PRDM2: variants seen among roughly 807,000 people sequenced by gnomAD.
PRDM2 encodes the protein PR domain zinc finger protein 2.
A neutral mutation model predicts 130.0 loss-of-function variants in PRDM2; 30 were observed. The ratio of observed to expected loss-of-function variants is 0.23; its 90% CI spans 0.17 to 0.31. The LOEUF (loss-of-function observed/expected upper bound fraction) is 0.31, where lower values mean the gene tolerates loss of function less well. Among genes scored for constraint, PRDM2 ranks in the 10% least tolerant of loss-of-function variants. The pLI is 1.00. For synonymous variants in PRDM2, 871 were observed against 782.4 expected (o/e 1.11, Z -1.89); for missense variants, 2,011 against 2,108.4 (o/e 0.95, Z 0.90).
chr1:13,740,853 G>A (rs1643415663), intron 4 of PRDM2, among the ~76,000 whole-genome samples: 1 of 152,188 alleles, frequency 6.6e-6, no homozygotes, highest in Non-Finnish European at 1.5e-5. Flanking sequence ...GGCATGCCCA[G>A]AAGAGCAGCA....
rs141739824 is a variant in PRDM2 at position 13,733,654 on chromosome 1, T to C, written c.231+772T>C. Among the ~76,000 whole-genome samples, 98 of 152,296 alleles carry C rather than the reference T, an allele frequency of 6.4e-4. 1 individual carries two copies. Among genetic ancestry groups the C allele is most frequent in the East Asian group, 3.9e-3 (20 of 5,190 alleles). ...ATTAAAAAAATAGAGATAGAAGATA[T>C]CTCCTAGGATAGTTGTGAAGATAAA... On this transcript the variant is annotated intron_variant, in intron 4 of 9. Coordinates refer to ENST00000311066, the MANE Select transcript of PRDM2 (RefSeq NM_001393986.1).
intron 2 of PRDM2, among the ~76,000 whole-genome samples, chr1:13,718,226 G>A (rs1488761981): frequency 6.6e-6 from 1 of 152,166 alleles, no homozygotes; most frequent in Non-Finnish European, 1.5e-5. Flanking sequence ...TTAGGGTTAG[G>A]TTATTCTCCC....
chr1:13,732,400 G>A (rs1643138462), intron 3 of PRDM2, among the ~76,000 whole-genome samples: 1 of 152,178 alleles, frequency 6.6e-6, no homozygotes, highest in Non-Finnish European at 1.5e-5. Context: ...CAAGCAGACA[G>A]AGGAGTTCAA....
At chr1:13,716,813 A>G (rs1028243139) in intron 2 of PRDM2, among the ~76,000 whole-genome samples, 10 of 152,172 alleles carry the variant, frequency 6.6e-5, no homozygotes, top group Admixed American at 1.3e-4. Context: ...GTTCATAAGC[A>G]CTTACTTTTA....
intron 5 of PRDM2, among the ~76,000 whole-genome samples, chr1:13,748,478 CA>C (rs1028782387): frequency 1.4e-4 from 22 of 152,222 alleles, no homozygotes; most frequent in Admixed American, 1.3e-3. Context: ...CACGGATTCT[CA>C]TTTTATTCAG....
intron 8 of PRDM2, among the ~76,000 whole-genome samples, chr1:13,785,632 C>G (rs1644717401): frequency 6.6e-6 from 1 of 151,690 alleles, no homozygotes; most frequent in African/African-American, 2.4e-5. Flanking sequence ...CACAGTCATT[C>G]AGGTTCTCCT....
In PRDM2 at chr1:13,801,675, A is replaced by G. The variant is rs148153749; in HGVS notation, c.5037-14752A>G. On this transcript the variant is annotated intron_variant, in intron 8 of 9. Transcript: ENST00000311066. Reference sequence around the variant, plus strand: ...TTATTCCATAACAAACACTTAGCACAGTGCTTGGAACACAGTAAGCAGGAA... The same window carrying G: ...TTATTCCATAACAAACACTTAGCACGGTGCTTGGAACACAGTAAGCAGGAA... Among the ~76,000 whole-genome samples, 12 of 152,372 alleles carry G rather than the reference A, an allele frequency of 7.9e-5. No homozygotes were observed. In the East Asian group the frequency reaches 2.1e-3, roughly 27 times the overall value.
intron 4 of PRDM2, among the ~76,000 whole-genome samples, chr1:13,737,678 A>G (rs888649671): frequency 1.2e-4 from 18 of 152,232 alleles, no homozygotes; most frequent in Admixed American, 1.2e-3. Context: ...CTCTTCTCTC[A>G]GGAACTGTAG....
chr1:13,787,353 AAAC>A, intron 8 of PRDM2: 1 of 985,082 alleles, frequency 1.0e-6, no homozygotes, highest in Non-Finnish European at 1.2e-6. Context: ...TAGAGATTAA[AAAC>A]AACAAATTGG....
chr1:13,754,866 G>A (rs1031089634), intron 6 of PRDM2, among the ~76,000 whole-genome samples: 2 of 152,204 alleles, frequency 1.3e-5, no homozygotes, highest in South Asian at 2.1e-4. Flanking sequence ...GTATTCCTGT[G>A]TCTGGCTTTT....
intron 1 of PRDM2, among the ~76,000 whole-genome samples, chr1:13,701,319 A>C (rs1423792357): frequency 6.6e-6 from 1 of 152,198 alleles, no homozygotes; most frequent in Non-Finnish European, 1.5e-5. Context: ...AAAATGTTTA[A>C]GTTTTTGTTT....
At position 13,749,250 on chromosome 1, in the gene PRDM2, G is replaced by A. The variant is rs894330487; in HGVS notation, c.385-111G>A. 5 of 1,056,228 alleles carry A rather than the reference G, an allele frequency of 4.7e-6. 1 individual carries two copies. Among genetic ancestry groups the A allele is most frequent in the Middle Eastern group, 8.6e-4 (2 of 2,314 alleles). 65.4% of individuals were successfully genotyped at this position (1,056,228 alleles called of 1,614,324 possible). Reference sequence around the variant, plus strand: ...CCGGCCGGGTGCGCGCGGCGCCGCCGACAGCTGTTTGCCATCGGCGCCGCT... The same window carrying A: ...CCGGCCGGGTGCGCGCGGCGCCGCCAACAGCTGTTTGCCATCGGCGCCGCT... On this transcript the variant is annotated intron_variant, in intron 5 of 9. Transcript: ENST00000311066.
At chr1:13,789,718 TA>T (rs1025548242) in intron 8 of PRDM2, among the ~76,000 whole-genome samples, 1 of 152,028 alleles carries the variant, frequency 6.6e-6, no homozygotes, top group Non-Finnish European at 1.5e-5. Flanking sequence ...CTTGAATCCA[TA>T]AAAAAAATCA....
chr1:13,706,246 T>A (rs1162099355), intron 1 of PRDM2, among the ~76,000 whole-genome samples: 1 of 152,240 alleles, frequency 6.6e-6, no homozygotes, highest in Non-Finnish European at 1.5e-5. Flanking sequence ...GCCTGTTCTC[T>A]TGGATTCTGA....
At chr1:13,745,804 G>A (rs545896168) in intron 5 of PRDM2, among the ~76,000 whole-genome samples, 4 of 152,280 alleles carry the variant, frequency 2.6e-5, no homozygotes, top group African/African-American at 7.2e-5. Context: ...TAGGAGATGA[G>A]GCTGTTGAGG....
chr1:13,812,633 G>A (rs1645192301), intron 8 of PRDM2, among the ~76,000 whole-genome samples: 2 of 152,172 alleles, frequency 1.3e-5, no homozygotes, highest in Non-Finnish European at 2.9e-5. Context: ...GGAGGGGCCC[G>A]GCAGGCAGTG....
rs776284153 is a variant in PRDM2 at position 13,780,319 on chromosome 1, G to A, written c.2524G>A (p.Val842Ile). ...GGCTGAGGGTACAGGCAAGACTCCA[G>A]TCCAGTGGGAATCTGTCTTAGATCT... ...QKAEGTGKTP[V>I]QWESVLDLSV... Residue 842 changes from valine to isoleucine, a missense_variant, in exon 8 of 10, where the codon GTC becomes ATC. Around this residue, in one of 5 missense-constraint regions of PRDM2, gnomAD observed 1,288 missense variants for 1,237.7 expected, o/e 1.04. Coordinates refer to ENST00000311066, the MANE Select transcript of PRDM2 (RefSeq NM_001393986.1). 1 of 1,614,166 alleles carries A rather than the reference G, an allele frequency of 6.2e-7. No individual in the cohort carries two copies. Among genetic ancestry groups the A allele is most frequent in the Non-Finnish European group, 8.5e-7 (1 of 1,180,040 alleles).
chr1:13,715,295 G>A (rs1431380662), intron 1 of PRDM2, among the ~76,000 whole-genome samples: 2 of 152,220 alleles, frequency 1.3e-5, no homozygotes, highest in African/African-American at 4.8e-5. Context: ...AAGATTTGAT[G>A]TCCTCCTAAT....
intron 6 of PRDM2, chr1:13,769,162 C>T: frequency 1.0e-6 from 1 of 985,610 alleles, no homozygotes; most frequent in South Asian, 4.7e-5. Flanking sequence ...GTAGGACCCC[C>T]AGGACCCGAT....
Sources: gnomAD v4.1 joint callset for allele counts (sites outside exome capture counted in the v4.1 genomes callset) on GRCh38, gnomAD v4.1.1 for gene constraint, gnomAD v4.1.1 regional missense constraint, MANE v1.5 for transcripts, NCBI Gene and HGNC (gene_info 2026-07-23, HGNC 2026-07-21) for gene names.